Variants in SCN7A observed in about 807,000 individuals in gnomAD.
SCN7A encodes the protein sodium channel protein type 7 subunit alpha.
Under a neutral mutation model 155.2 loss-of-function variants are expected in SCN7A, and 138 were observed. The ratio of observed to expected loss-of-function variants is 0.89; its 90% CI spans 0.77 to 1.02. The LOEUF is 1.02. Ranked by LOEUF, SCN7A falls within the 50% of genes least tolerant of loss-of-function variation. The pLI, the probability that SCN7A is intolerant of heterozygous loss-of-function variation, is 0.00. For synonymous variants in SCN7A, 693 were observed against 649.0 expected (o/e 1.07, Z -1.03); for missense variants, 2,058 against 1,986.6 (o/e 1.04, Z -0.68).
In SCN7A at chr2:166,409,980, C is replaced by T. The variant is rs1486408671; in HGVS notation, c.3712-45G>A. Reference sequence around the variant, plus strand: ...GTGTAATAGTCTTATTAATAGGATACATATACATATATATGGTCTTTTATA... The same window carrying T: ...GTGTAATAGTCTTATTAATAGGATATATATACATATATATGGTCTTTTATA... On this transcript the variant is annotated intron_variant, in intron 24 of 25. Transcript: ENST00000643258. The T allele has an allele frequency of 3.5e-6, 5 of 1,426,320 alleles. No individual in the cohort carries two copies. The Admixed American group carries it at 7.4e-5, about 21-fold the overall frequency. 88.4% of individuals were successfully genotyped at this position (1,426,320 alleles called of 1,614,324 possible).
rs542513388 is a variant in SCN7A at position 166,488,046 on chromosome 2, G to A, written c.-127-1078C>T. 3.7e-4 allele frequency among the ~76,000 whole-genome samples: 56 copies of A among 152,196 alleles called. 1 individual carries two copies. The Middle Eastern group carries it at 0.01, about 28-fold the overall frequency. ...TAACTTGGGATCAGAAGGTACCATC[G>A]GCATAAGCAAAGATACAGAGTTAAT... On this transcript the variant is annotated intron_variant, in intron 1 of 25. Coordinates refer to ENST00000643258, the MANE Select transcript of SCN7A (RefSeq NM_002976.4).
At position 166,405,470 on chromosome 2, in the gene SCN7A, C is replaced by A; in HGVS notation, c.*110G>T. 1 of 788,270 alleles carries A rather than the reference C, an allele frequency of 1.3e-6. No homozygotes were observed. The highest frequency in any genetic ancestry group is 2.0e-6 in the Non-Finnish European group (1 of 502,452). The allele number at this position is 788,270 out of a possible 1,614,324, so 48.8% of individuals were successfully genotyped here. A position where few individuals can be genotyped will look rare whatever the true frequency, so the allele number is the denominator to read the frequency against. On this transcript the variant is annotated 3_prime_UTR_variant, in exon 26 of 26. Coordinates refer to ENST00000643258, the MANE Select transcript of SCN7A (RefSeq NM_002976.4). ...GTCTTGTGAATACAAGCTTAATTAC[C>A]ATCGGTTGTAAAGAACTGATTATTA...
chr2:166,493,103 T>C (rs1442307985), intron 1 of SCN7A, among the ~76,000 whole-genome samples: 1 of 152,220 alleles, frequency 6.6e-6, no homozygotes, highest in African/African-American at 2.4e-5. Flanking sequence ...CCCAGGATTC[T>C]GTTTATTACA....
chr2:166,469,036 C>A (rs1229666323), intron 7 of SCN7A, among the ~76,000 whole-genome samples: 2 of 150,394 alleles, frequency 1.3e-5, no homozygotes, highest in African/African-American at 4.9e-5. Flanking sequence ...TGATCTCTTT[C>A]ATTTGTAGGG....
At position 166,465,552 on chromosome 2, in the gene SCN7A, G is replaced by T. The variant is rs1328618910; in HGVS notation, c.872-21C>A. On this transcript the variant is annotated intron_variant, in intron 8 of 25. Transcript: ENST00000643258. Reference sequence around the variant, plus strand: ...TGTTTCTGAAAAACAGGCAAGAAATGATATTCTATATGTAATTATGAGTTA... The same window carrying T: ...TGTTTCTGAAAAACAGGCAAGAAATTATATTCTATATGTAATTATGAGTTA... 11 of 1,538,676 alleles carry T rather than the reference G, an allele frequency of 7.1e-6. No homozygotes were observed. In the Admixed American group the frequency reaches 1.3e-4, roughly 18 times the overall value.
intron 15 of SCN7A, among the ~76,000 whole-genome samples, chr2:166,433,313 T>C (rs980585387): frequency 6.6e-6 from 1 of 152,120 alleles, no homozygotes; most frequent in Non-Finnish European, 1.5e-5. Context: ...CATAAATACA[T>C]ACAATTTTAT....
In SCN7A at chr2:166,420,976, T is replaced by C. The variant is rs1226580412; in HGVS notation, c.3135+214A>G. Among the ~76,000 whole-genome samples the C allele has an allele frequency of 3.3e-5, 5 of 152,094 alleles. No homozygotes were observed. In the East Asian group the frequency reaches 9.6e-4, roughly 29 times the overall value. On this transcript the variant is annotated intron_variant, in intron 20 of 25. Transcript: ENST00000643258. ...CTCAAATACTAGTTTCTTTTACTTG[T>C]CTGTATTGGTTTTTATACTTTATGA...
chr2:166,465,401 C>T, intron 9 of SCN7A, 61 bp downstream of exon 9: 1 of 1,123,382 alleles, frequency 8.9e-7, no homozygotes, highest in South Asian at 1.4e-5. Context: ...AGCAATAGTC[C>T]TTCATTAAAT....
Position 166,426,443 on chromosome 2 carries a change from T to A in SCN7A, c.2853+1345A>T, listed in dbSNP as rs1163274721. On this transcript the variant is annotated intron_variant, in intron 18 of 25. Coordinates refer to ENST00000643258, the MANE Select transcript of SCN7A (RefSeq NM_002976.4). ...TCCCAGAATAGGGCATTAGGAGACA[T>A]AGTATGTCTCCTACTAAAATTCAAG... Among the ~76,000 whole-genome samples, 2 of 151,984 alleles carry A rather than the reference T, an allele frequency of 1.3e-5. 1 individual carries two copies. Among genetic ancestry groups the A allele is most frequent in the South Asian group, 4.1e-4 (2 of 4,828 alleles).
In SCN7A at chr2:166,405,375, C is replaced by T; in HGVS notation, c.*205G>A. On this transcript the variant is annotated 3_prime_UTR_variant, in exon 26 of 26. Transcript: ENST00000643258. Reference sequence around the variant, plus strand: ...AATGGCCACTTTAACCCACTTTAAACTCACTGCAGCAATATTAAGGATTCT... The same window carrying T: ...AATGGCCACTTTAACCCACTTTAAATTCACTGCAGCAATATTAAGGATTCT... 2.0e-6 allele frequency: 1 copy of T among 500,122 alleles called. No homozygotes were observed. Among genetic ancestry groups the T allele is most frequent in the Non-Finnish European group, 3.5e-6 (1 of 288,310 alleles). 31.0% of individuals were successfully genotyped at this position (500,122 alleles called of 1,614,324 possible). A position where few individuals can be genotyped will look rare whatever the true frequency, so the allele number is the denominator to read the frequency against.
intron 7 of SCN7A, among the ~76,000 whole-genome samples, chr2:166,467,698 C>A (rs1702567580): frequency 6.6e-6 from 1 of 151,342 alleles, no homozygotes; most frequent in Non-Finnish European, 1.5e-5. Context: ...GGTCTTACAC[C>A]AATTTCGATC....
At chr2:166,446,948 G>A (rs766563942) in intron 12 of SCN7A, among the ~76,000 whole-genome samples, 2 of 152,172 alleles carry the variant, frequency 1.3e-5, no homozygotes, top group Middle Eastern at 3.4e-3. Flanking sequence ...CTGGATGATG[G>A]GTTGATGGAT....
chr2:166,417,413 C>T (rs1701403338), intron 20 of SCN7A, among the ~76,000 whole-genome samples: 1 of 152,112 alleles, frequency 6.6e-6, no homozygotes, highest in Non-Finnish European at 1.5e-5. Flanking sequence ...GCAGAGCTTG[C>T]AGTGAGCAGA....
At chr2:166,460,150 A>G (rs891190327) in intron 10 of SCN7A, among the ~76,000 whole-genome samples, 1 of 152,166 alleles carries the variant, frequency 6.6e-6, no homozygotes, top group Non-Finnish European at 1.5e-5. Context: ...AAAAACTTGG[A>G]GTACAATAAT....
At chr2:166,441,050 A>G (rs1701948829) in intron 15 of SCN7A, 1 of 367,046 alleles carries the variant, frequency 2.7e-6, no homozygotes, top group South Asian at 1.3e-4. Flanking sequence ...GGATGTTTTC[A>G]GACCATGGCT....
rs1190838613 is a variant in SCN7A at position 166,414,529 on chromosome 2, C to T, written c.3415-1408G>A. 43 of 140,538 alleles carry T rather than the reference C, an allele frequency of 3.1e-4. 2 individuals are homozygous for T. The highest frequency in any genetic ancestry group is 1.1e-3 in the African/African-American group (41 of 37,900). 8.7% of individuals were successfully genotyped at this position (140,538 alleles called of 1,614,324 possible). A position where few individuals can be genotyped will look rare whatever the true frequency, so the allele number is the denominator to read the frequency against. ...CACCTATTCTGATTTTTCGGTCACC[C>T]GGAAGTCTATATCCTCATCTTACCA... On this transcript the variant is annotated intron_variant, in intron 21 of 25. Coordinates refer to ENST00000643258, the MANE Select transcript of SCN7A (RefSeq NM_002976.4).
intron 1 of SCN7A, among the ~76,000 whole-genome samples, chr2:166,488,691 G>A (rs1371361400): frequency 6.6e-6 from 1 of 151,346 alleles, no homozygotes; most frequent in Non-Finnish European, 1.5e-5. Context: ...AGGCTGGAGA[G>A]CAGCGGTGTA....
intron 2 of SCN7A, among the ~76,000 whole-genome samples, chr2:166,485,451 C>G (rs749825209): frequency 6.6e-6 from 1 of 152,130 alleles, no homozygotes; most frequent in Non-Finnish European, 1.5e-5. Flanking sequence ...GCAAATCACT[C>G]TGTCACATCT....
chr2:166,472,268 AT>A, intron 6 of SCN7A, 48 bp downstream of exon 6: 1 of 1,519,062 alleles, frequency 6.6e-7, no homozygotes, highest in Non-Finnish European at 8.8e-7. Flanking sequence ...TATGAAAAAC[AT>A]TTTCTGAGCA....
Sources: allele counts gnomAD v4.1 joint callset (sites outside exome capture counted in the v4.1 genomes callset), GRCh38; gene constraint gnomAD v4.1.1; transcripts MANE v1.5; gene names NCBI Gene and HGNC (gene_info 2026-07-23, HGNC 2026-07-21).